RTN1: variants seen among roughly 807,000 people sequenced by gnomAD.
RTN1 encodes reticulon 1.
Under a neutral mutation model 65.5 loss-of-function variants are expected in RTN1, and 25 were observed. The observed-to-expected ratio is 0.38, with a 90% CI of 0.28 to 0.53. The LOEUF is 0.53. RTN1 is among the 20% of genes least tolerant of loss of function. RTN1 has a pLI of 0.79. For synonymous variants in RTN1, 471 were observed against 447.6 expected, an observed-to-expected ratio of 1.05 and a Z score of -0.66; for missense variants, 983 against 1,025.4, an observed-to-expected ratio of 0.96 and a Z score of 0.57.
chr14:59,667,514 G>A (rs1883405157), intron 3 of RTN1, among the ~76,000 whole-genome samples: 1 of 152,094 alleles, frequency 6.6e-6, no homozygotes, highest in Admixed American at 6.6e-5. Context: ...TACTGAATGG[G>A]CAAAAACGGG....
At chr14:59,796,847 T>C (rs958262041) in intron 1 of RTN1, among the ~76,000 whole-genome samples, 5 of 152,186 alleles carry the variant, frequency 3.3e-5, no homozygotes, top group Admixed American at 1.3e-4. Context: ...TTTCACCAAC[T>C]AGATTGTGGG....
At chr14:59,666,523 T>G (rs1483657362) in intron 3 of RTN1, among the ~76,000 whole-genome samples, 1 of 151,760 alleles carries the variant, frequency 6.6e-6, no homozygotes, top group African/African-American at 2.4e-5. Context: ...ACATCACAAT[T>G]AAAAGAACTA....
chr14:59,867,857 T>C (rs1887825608), intron 1 of RTN1, among the ~76,000 whole-genome samples: 1 of 152,216 alleles, frequency 6.6e-6, no homozygotes, highest in Non-Finnish European at 1.5e-5. Flanking sequence ...AGCACTCTTC[T>C]GCCATGTGGG....
rs574778313 is a variant in RTN1 at position 59,761,772 on chromosome 14, T to C, written c.242-15291A>G. On this transcript the variant is annotated intron_variant, in intron 1 of 8. Coordinates refer to ENST00000267484, the MANE Select transcript of RTN1 (RefSeq NM_021136.3). ...ACAGCCAGCCCATACCATGTCTTGG[T>C]AAAAAAGAAAGGTGCTCTTCCTCTG... Among the ~76,000 whole-genome samples, 6 of 152,168 alleles carry C rather than the reference T, an allele frequency of 3.9e-5. No individual in the cohort carries two copies. In the East Asian group the frequency reaches 5.8e-4, roughly 15 times the overall value.
intron 1 of RTN1, among the ~76,000 whole-genome samples, chr14:59,807,354 G>A (rs1367864605): frequency 1.3e-5 from 2 of 152,206 alleles, no homozygotes; most frequent in South Asian, 2.1e-4. Context: ...GGCAGGATAT[G>A]AAAATCCACT....
At chr14:59,621,790 A>G (rs1882260414) in intron 3 of RTN1, among the ~76,000 whole-genome samples, 1 of 152,238 alleles carries the variant, frequency 6.6e-6, no homozygotes, top group African/African-American at 2.4e-5. Flanking sequence ...ATGGCCCAAC[A>G]GTGGCCACAG....
intron 2 of RTN1, among the ~76,000 whole-genome samples, chr14:59,728,239 G>C (rs1884822216): frequency 7.1e-6 from 1 of 141,750 alleles, no homozygotes. Context: ...TTTCCAATAA[G>C]AATCAGTATC....
At chr14:59,856,030 C>T (rs1472686433) in intron 1 of RTN1, among the ~76,000 whole-genome samples, 1 of 152,090 alleles carries the variant, frequency 6.6e-6, no homozygotes, top group Non-Finnish European at 1.5e-5. Context: ...TGTCTGTGCC[C>T]ATTGGCATTT....
At chr14:59,657,927 C>T in intron 3 of RTN1, among the ~76,000 whole-genome samples, 1 of 152,128 alleles carries the variant, frequency 6.6e-6, no homozygotes, top group African/African-American at 2.4e-5. Flanking sequence ...GGGATGAGGC[C>T]AGGGAGCCAA....
chr14:59,701,725 T>C (rs1884182673), intron 3 of RTN1, among the ~76,000 whole-genome samples: 1 of 152,124 alleles, frequency 6.6e-6, no homozygotes, highest in Non-Finnish European at 1.5e-5. Context: ...ATGGGGTTTC[T>C]TTTTGGGGTG....
At chr14:59,792,359 TCACACA>T (rs34220909) in intron 1 of RTN1, among the ~76,000 whole-genome samples, 2,027 of 144,830 alleles carry the variant, frequency 0.014, 23 homozygotes, top group African/African-American at 0.043. Context: ...AGAAAAGACT[TCACACA>T]CACACACACA....
At chr14:59,827,395 C>T (rs546817862) in intron 1 of RTN1, among the ~76,000 whole-genome samples, 1 of 152,176 alleles carries the variant, frequency 6.6e-6, no homozygotes, top group African/African-American at 2.4e-5. Context: ...GTTCTTACTG[C>T]AGTTTTTTTC....
intron 2 of RTN1, among the ~76,000 whole-genome samples, chr14:59,732,712 A>G (rs1449330146): frequency 6.6e-6 from 1 of 152,192 alleles, no homozygotes; most frequent in East Asian, 1.9e-4. Context: ...GAAGCTTTAC[A>G]TACTCCAGCC....
At chr14:59,761,744 G>A (rs1885752432) in intron 1 of RTN1, among the ~76,000 whole-genome samples, 1 of 152,164 alleles carries the variant, frequency 6.6e-6, no homozygotes, top group Non-Finnish European at 1.5e-5. Context: ...CCCTTGTAGA[G>A]GTACAGCCAG....
intron 3 of RTN1, among the ~76,000 whole-genome samples, chr14:59,668,114 A>G (rs772390186): frequency 5.3e-5 from 8 of 152,238 alleles, no homozygotes; most frequent in Non-Finnish European, 1.0e-4. Context: ...TTTAAAGTTC[A>G]TATGGAACCA....
intron 1 of RTN1, among the ~76,000 whole-genome samples, chr14:59,820,267 G>A (rs1380913093): frequency 6.7e-6 from 1 of 148,266 alleles, no homozygotes; most frequent in African/African-American, 2.5e-5. Context: ...ATTTGTTTAT[G>A]CTTCTTAGAG....
intron 1 of RTN1, among the ~76,000 whole-genome samples, chr14:59,806,921 C>T (rs1427091012): frequency 2.6e-5 from 4 of 152,184 alleles, no homozygotes; most frequent in Non-Finnish European, 5.9e-5. Context: ...AGTAAAACAA[C>T]ATTTTTAAAT....
chr14:59,684,573 C>T, intron 3 of RTN1, among the ~76,000 whole-genome samples: 1 of 151,990 alleles, frequency 6.6e-6, no homozygotes, highest in South Asian at 2.1e-4. Context: ...CATTAAGATT[C>T]AATAAATTCT....
intron 3 of RTN1, chr14:59,630,598 A>G: frequency 6.3e-7 from 1 of 1,589,302 alleles, no homozygotes; most frequent in Non-Finnish European, 8.5e-7. Flanking sequence ...CTGGGCTCGC[A>G]GTGGCCGCGC....
Sources: gnomAD v4.1 joint callset for allele counts (sites outside exome capture counted in the v4.1 genomes callset) on GRCh38, gnomAD v4.1.1 for gene constraint, MANE v1.5 for transcripts, NCBI Gene and HGNC (gene_info 2026-07-23, HGNC 2026-07-21) for gene names.